Variants in ARB2A observed in about 807,000 individuals in gnomAD.
ARB2A encodes ARB2 cotranscriptional regulator A, also known as cotranscriptional regulator ARB2A.
At chr5:94,095,749 C>T in the ARB2A span, among the ~76,000 whole-genome samples, 11 of 152,124 alleles carry the variant, frequency 7.2e-5, no homozygotes, top group East Asian at 1.9e-3. Flanking sequence ...GTCTTACCTT[C>T]GTAGTAGACA....
chr5:93,909,997 T>C, the ARB2A span, among the ~76,000 whole-genome samples: 2 of 150,986 alleles, frequency 1.3e-5, no homozygotes, highest in Non-Finnish European at 3.0e-5. Flanking sequence ...AAAATCTAAC[T>C]TCCTTACTTT....
At chr5:93,691,698 G>A in the ARB2A span, among the ~76,000 whole-genome samples, 2 of 151,912 alleles carry the variant, frequency 1.3e-5, no homozygotes, top group Admixed American at 6.6e-5. Context: ...TACTCCTCGA[G>A]AAGAGCAACC....
the ARB2A span, chr5:93,784,281 A>G: frequency 1.4e-6 from 1 of 727,952 alleles, no homozygotes; most frequent in African/African-American, 1.8e-5. Context: ...TTCTGCCTCT[A>G]GAAAGGGAGT....
At chr5:94,029,110 T>A in the ARB2A span, among the ~76,000 whole-genome samples, 1 of 152,058 alleles carries the variant, frequency 6.6e-6, no homozygotes, top group Non-Finnish European at 1.5e-5. Context: ...TCCCACCTCA[T>A]CATTCCGAGT....
the ARB2A span, among the ~76,000 whole-genome samples, chr5:94,092,504 C>T: frequency 1.3e-5 from 2 of 152,192 alleles, no homozygotes; most frequent in Non-Finnish European, 2.9e-5. Context: ...CTTGCCAACA[C>T]ATAACTCCAA....
the ARB2A span, among the ~76,000 whole-genome samples, chr5:93,995,886 G>A: frequency 2.6e-5 from 4 of 152,020 alleles, no homozygotes; most frequent in Non-Finnish European, 5.9e-5. Context: ...CAAAACTTGC[G>A]GAAACTAAAA....
chr5:93,729,685 G>C, the ARB2A span, among the ~76,000 whole-genome samples: 1 of 152,022 alleles, frequency 6.6e-6, no homozygotes, highest in Non-Finnish European at 1.5e-5. Flanking sequence ...AATAATATTT[G>C]CAGGAAAATT....
chr5:93,827,372 C>T, the ARB2A span, among the ~76,000 whole-genome samples: 5 of 152,220 alleles, frequency 3.3e-5, no homozygotes, highest in East Asian at 7.7e-4. Context: ...TTTCATGTGT[C>T]TTTTGGCTGC....
the ARB2A span, among the ~76,000 whole-genome samples, chr5:93,947,689 C>T: frequency 7.9e-6 from 1 of 126,456 alleles, no homozygotes; most frequent in Non-Finnish European, 1.6e-5. Flanking sequence ...ACAACAGTCC[C>T]CAGAGTGCGA....
At chr5:94,097,162 C>T in the ARB2A span, among the ~76,000 whole-genome samples, 1 of 152,184 alleles carries the variant, frequency 6.6e-6, no homozygotes, top group Non-Finnish European at 1.5e-5. Flanking sequence ...GACTGTCAGG[C>T]CTGGACAGAA....
At chr5:93,715,928 C>CAG in the ARB2A span, among the ~76,000 whole-genome samples, 2 of 152,168 alleles carry the variant, frequency 1.3e-5, no homozygotes, top group Non-Finnish European at 2.9e-5. Context: ...GACAGACTGT[C>CAG]AGTTTTGTTT....
chr5:93,907,699 T>C, the ARB2A span, among the ~76,000 whole-genome samples: 1 of 151,458 alleles, frequency 6.6e-6, no homozygotes, highest in Non-Finnish European at 1.5e-5. Flanking sequence ...ACTGTTATTT[T>C]AAAAATTCTC....
chr5:94,041,086 C>G, the ARB2A span, among the ~76,000 whole-genome samples: 1 of 151,826 alleles, frequency 6.6e-6, no homozygotes, highest in South Asian at 2.1e-4. Context: ...GCCTCTCTGT[C>G]TCTCTCGGTC....
the ARB2A span, among the ~76,000 whole-genome samples, chr5:93,742,762 A>T: frequency 6.6e-6 from 1 of 151,834 alleles, no homozygotes; most frequent in African/African-American, 2.4e-5. Flanking sequence ...TATAGTGACA[A>T]CTCTTCTTGC....
the ARB2A span, among the ~76,000 whole-genome samples, chr5:93,883,847 G>C: frequency 6.7e-6 from 1 of 149,410 alleles, no homozygotes; most frequent in East Asian, 2.0e-4. Context: ...TGAGTAAGTG[G>C]TCTCCTGTCA....
the ARB2A span, among the ~76,000 whole-genome samples, chr5:93,639,038 A>G: frequency 6.6e-6 from 1 of 152,218 alleles, no homozygotes; most frequent in Admixed American, 6.5e-5. Context: ...ACTATAAACA[A>G]AATGTCTCCA....
chr5:94,087,252 C>A, the ARB2A span, among the ~76,000 whole-genome samples: 5 of 152,036 alleles, frequency 3.3e-5, no homozygotes, highest in African/African-American at 1.2e-4. Flanking sequence ...ACAAAAAAGT[C>A]AAAAAGTTGA....
At chr5:94,046,997 AACATG>A in the ARB2A span, among the ~76,000 whole-genome samples, 1 of 152,244 alleles carries the variant, frequency 6.6e-6, no homozygotes, top group African/African-American at 2.4e-5. Context: ...AAGTATTCCA[AACATG>A]ACATAAGAAG....
At chr5:93,804,563 T>C in the ARB2A span, among the ~76,000 whole-genome samples, 2 of 151,900 alleles carry the variant, frequency 1.3e-5, no homozygotes, top group Non-Finnish European at 2.9e-5. Flanking sequence ...ATTAGTCTTC[T>C]GATATAATTT....
Sources: gnomAD v4.1 joint callset for allele counts (sites outside exome capture counted in the v4.1 genomes callset) on GRCh38, gnomAD v4.1.1 for gene constraint, MANE v1.5 for transcripts, NCBI Gene and HGNC (gene_info 2026-07-23, HGNC 2026-07-21) for gene names.